The following GABRA3 variants were observed in gnomAD, a reference collection of about 807,000 sequenced individuals.
GABRA3 encodes the protein gamma-aminobutyric acid receptor subunit alpha-3.
A neutral mutation model predicts 30.1 loss-of-function variants in GABRA3; 10 were observed. That is an observed-to-expected ratio of 0.33 (90% CI 0.20 to 0.56). The LOEUF (loss-of-function observed/expected upper bound fraction) is 0.56. GABRA3 is among the 20% of genes least tolerant of loss of function. GABRA3 has a pLI of 0.89. For missense variants in GABRA3, 233 were observed against 392.0 expected (o/e 0.59, Z 3.42); for synonymous variants, 151 against 146.8 (o/e 1.03, Z -0.21).
At chrX:152,409,437 G>A (rs1265427472) in intron 1 of GABRA3, among the ~76,000 whole-genome samples, 1 of 111,452 alleles carries the variant, frequency 9.0e-6, no homozygotes, top group African/African-American at 3.3e-5. Flanking sequence ...AAACATTAGG[G>A]AAACACTCCA....
chrX:152,231,028 G>A (rs745549699), intron 5 of GABRA3, among the ~76,000 whole-genome samples: 21 of 109,788 alleles, frequency 1.9e-4, no homozygotes, highest in South Asian at 3.8e-4. Flanking sequence ...CACAAAGAAA[G>A]TGAATATATT....
At position 152,205,248 on chromosome X, in the gene GABRA3, T is replaced by A. The variant is rs371381280; in HGVS notation, c.778+2753A>T. ...TGGCAAGAGTGAGGGGAAATTGGCT[T>A]GCTCATCACTGATAATAGGAGTGTG... On this transcript the variant is annotated intron_variant, in intron 7 of 9. Coordinates refer to ENST00000370314, the MANE Select transcript of GABRA3 (RefSeq NM_000808.4). Among the ~76,000 whole-genome samples the A allele has an allele frequency of 6.3e-5, 7 of 111,773 alleles. No individual in the cohort carries two copies. The South Asian group carries it at 2.6e-3, about 42-fold the overall frequency.
intron 3 of GABRA3, 80 bp from the exon 4 acceptor site, chrX:152,284,815 G>A: frequency 1.6e-6 from 1 of 640,599 alleles, no homozygotes; most frequent in South Asian, 2.7e-5. Flanking sequence ...GCAGTACTCT[G>A]AATGACAGCC....
intron 4 of GABRA3, among the ~76,000 whole-genome samples, chrX:152,272,235 T>TGTACCC (rs1938955740): frequency 8.9e-6 from 1 of 112,277 alleles, no homozygotes; most frequent in Non-Finnish European, 1.9e-5. Flanking sequence ...GGAGGGGGAC[T>TGTACCC]GTACCCTGCA....
chrX:152,175,110 C>G (rs1937056069), intron 9 of GABRA3, among the ~76,000 whole-genome samples: 1 of 111,811 alleles, frequency 8.9e-6, no homozygotes, highest in African/African-American at 3.3e-5. Flanking sequence ...GTAGACATGC[C>G]TGGCTAATTT....
chrX:152,192,260 T>A (rs1937333941), intron 8 of GABRA3, among the ~76,000 whole-genome samples: 1 of 111,948 alleles, frequency 8.9e-6, no homozygotes, highest in African/African-American at 3.2e-5. Context: ...TTCTTGGCAT[T>A]TTAAAAGATA....
intron 1 of GABRA3, among the ~76,000 whole-genome samples, chrX:152,413,863 A>G (rs1207459942): frequency 9.0e-6 from 1 of 110,846 alleles, no homozygotes; most frequent in Non-Finnish European, 1.9e-5. Flanking sequence ...CTGTTTGCAG[A>G]TAACAATTCA....
At chrX:152,348,097 T>C (rs1378302929) in intron 2 of GABRA3, among the ~76,000 whole-genome samples, 2 of 112,164 alleles carry the variant, frequency 1.8e-5, no homozygotes, top group African/African-American at 6.5e-5. Flanking sequence ...TGATTTTTTT[T>C]CTCCTAATGT....
intron 1 of GABRA3, among the ~76,000 whole-genome samples, chrX:152,400,372 C>T (rs956935931): frequency 2.7e-5 from 3 of 109,962 alleles, no homozygotes; most frequent in Non-Finnish European, 5.7e-5. Flanking sequence ...AGCTGGGCAT[C>T]GTGACACGTG....
intron 1 of GABRA3, chrX:152,394,580 A>G (rs1354476754): frequency 2.0e-5 from 7 of 351,836 alleles, no homozygotes; most frequent in Non-Finnish European, 3.5e-5. Flanking sequence ...CAATAGTGAA[A>G]GACATGGTGT....
chrX:152,448,085 G>T lies in GABRA3; in HGVS notation c.-27+3061C>A, dbSNP rs190571609. Among the ~76,000 whole-genome samples, 255 of 112,192 alleles carry T rather than the reference G, an allele frequency of 2.3e-3. 1 individual carries two copies. Among genetic ancestry groups the T allele is most frequent in the Admixed American group, 0.018 (193 of 10,601 alleles). On this transcript the variant is annotated intron_variant, in intron 1 of 9. Transcript: ENST00000370314. ...GTTAATTTATTTTACTAAATTAACA[G>T]TCTTCTGTGATGGATTAGGAAACAA...
chrX:152,292,598 AT>A (rs1309742189), intron 3 of GABRA3, among the ~76,000 whole-genome samples: 1 of 110,392 alleles, frequency 9.1e-6, no homozygotes, highest in African/African-American at 3.3e-5. Context: ...TAGCTTTTGA[AT>A]TTGCTTGTTG....
At chrX:152,437,759 G>C (rs1286314182) in intron 1 of GABRA3, among the ~76,000 whole-genome samples, 1 of 111,712 alleles carries the variant, frequency 9.0e-6, no homozygotes, top group African/African-American at 3.3e-5. Flanking sequence ...TAATATAAGG[G>C]ATAAATGATA....
At chrX:152,329,440 CA>C (rs759118012) in intron 3 of GABRA3, among the ~76,000 whole-genome samples, 2 of 111,943 alleles carry the variant, frequency 1.8e-5, no homozygotes. Flanking sequence ...TACCCGACTT[CA>C]AATTATACTA....
intron 7 of GABRA3, among the ~76,000 whole-genome samples, chrX:152,206,382 C>T (rs902205229): frequency 8.9e-6 from 1 of 111,980 alleles, no homozygotes; most frequent in Admixed American, 9.4e-5. Flanking sequence ...CTTCTCTGCT[C>T]ACACATGTAA....
chrX:152,402,173 G>C (rs1157906917), intron 1 of GABRA3, among the ~76,000 whole-genome samples: 1 of 112,036 alleles, frequency 8.9e-6, no homozygotes, highest in Non-Finnish European at 1.9e-5. Flanking sequence ...AAGGAATACT[G>C]TTCATATCTG....
In GABRA3 at chrX:152,409,866, A is replaced by G. The variant is rs187139787; in HGVS notation, c.-27+41280T>C. On this transcript the variant is annotated intron_variant, in intron 1 of 9. Transcript: ENST00000370314. ...CTAGCAATCCCACTGTTCATTATATACCCAAAAGAAAGGAAATCAATCTAA... is the reference window on the plus strand; with the variant it reads ...CTAGCAATCCCACTGTTCATTATATGCCCAAAAGAAAGGAAATCAATCTAA... 5.2e-3 allele frequency among the ~76,000 whole-genome samples: 581 copies of G among 112,371 alleles called. 7 individuals carry two copies. Among genetic ancestry groups the G allele is most frequent in the African/African-American group, 0.018 (556 of 30,991 alleles).
At chrX:152,250,091 G>A (rs947140549) in intron 5 of GABRA3, among the ~76,000 whole-genome samples, 2 of 110,910 alleles carry the variant, frequency 1.8e-5, no homozygotes, top group Non-Finnish European at 3.8e-5. Flanking sequence ...TCATTTGTTT[G>A]ACAGTCACCT....
intron 3 of GABRA3, among the ~76,000 whole-genome samples, chrX:152,292,704 C>T (rs964259310): frequency 9.0e-6 from 1 of 111,726 alleles, no homozygotes; most frequent in Non-Finnish European, 1.9e-5. Context: ...ATAAATTTCC[C>T]TCTACACACT....
Sources: allele counts gnomAD v4.1 joint callset (sites outside exome capture counted in the v4.1 genomes callset), GRCh38; gene constraint gnomAD v4.1.1; transcripts MANE v1.5; gene names NCBI Gene and HGNC (gene_info 2026-07-23, HGNC 2026-07-21).